SEMA3A: variants seen among roughly 807,000 people sequenced by gnomAD.
SEMA3A encodes semaphorin-3A.
Under a neutral mutation model 97.9 loss-of-function variants are expected in SEMA3A, and 29 were observed. That is an observed-to-expected ratio of 0.30 (90% CI 0.22 to 0.40). The LOEUF is 0.40. Among genes scored for constraint, SEMA3A ranks in the 10% least tolerant of loss-of-function variants. SEMA3A has a pLI of 1.00. For synonymous variants in SEMA3A, 321 were observed against 323.7 expected (o/e 0.99, Z 0.09); for missense variants, 763 against 951.3 (o/e 0.80, Z 2.60).
chr7:84,076,692 T>C (rs1793963959), intron 4 of SEMA3A, among the ~76,000 whole-genome samples: 1 of 152,140 alleles, frequency 6.6e-6, no homozygotes, highest in Non-Finnish European at 1.5e-5. Flanking sequence ...AATTAACGTA[T>C]TTTCTACTTC....
chr7:84,140,822 C>CA (rs1796272752), intron 1 of SEMA3A, among the ~76,000 whole-genome samples: 1 of 151,428 alleles, frequency 6.6e-6, no homozygotes, highest in Admixed American at 6.6e-5. Flanking sequence ...ATTATAAGAA[C>CA]AAAAAAACAA....
At chr7:84,127,737 T>C (rs1795844093) in intron 3 of SEMA3A, among the ~76,000 whole-genome samples, 1 of 152,164 alleles carries the variant, frequency 6.6e-6, no homozygotes, top group African/African-American at 2.4e-5. Flanking sequence ...ATTCCAACTC[T>C]AAATCCTTCT....
At chr7:84,376,390 C>T (rs1803099784) in intron 1 of SEMA3A, among the ~76,000 whole-genome samples, 1 of 115,898 alleles carries the variant, frequency 8.6e-6, no homozygotes, top group Non-Finnish European at 1.9e-5. Flanking sequence ...ATCACGAGGT[C>T]AGGAGATCGA....
chr7:83,984,639 C>A (rs1259672094), intron 13 of SEMA3A, among the ~76,000 whole-genome samples: 3 of 89,786 alleles, frequency 3.3e-5, no homozygotes, highest in East Asian at 4.7e-4. Context: ...TTTGAAGTTA[C>A]CATTGATATA....
At chr7:84,281,458 A>G (rs546845229) in intron 3 of SEMA3A, among the ~76,000 whole-genome samples, 7 of 152,282 alleles carry the variant, frequency 4.6e-5, no homozygotes, top group African/African-American at 1.4e-4. Flanking sequence ...TGTGTTGACA[A>G]TCATGTGAGC....
chr7:84,023,633 C>T (rs965650230), intron 6 of SEMA3A, among the ~76,000 whole-genome samples: 3 of 152,140 alleles, frequency 2.0e-5, no homozygotes, highest in Non-Finnish European at 4.4e-5. Context: ...GAACATATAA[C>T]CCCACTGCAG....
chr7:84,110,749 A>G (rs1187708047), intron 3 of SEMA3A, among the ~76,000 whole-genome samples, 160 bp from the exon 4 acceptor site: 8 of 147,336 alleles, frequency 5.4e-5, no homozygotes, highest in Admixed American at 5.4e-4. Context: ...TTATTATTCT[A>G]TTGTTTTGCT....
intron 6 of SEMA3A, among the ~76,000 whole-genome samples, chr7:84,029,735 T>G (rs1000938319): frequency 7.9e-5 from 12 of 152,134 alleles, no homozygotes; most frequent in African/African-American, 2.9e-4. Flanking sequence ...ATAATTTCAT[T>G]CAGAAAATAA....
At chr7:84,055,275 G>A (rs10954743) in intron 5 of SEMA3A, among the ~76,000 whole-genome samples, 84,223 of 151,088 alleles carry the variant, frequency 0.56, 25,276 homozygotes, top group Non-Finnish European at 0.67. Context: ...AATCAAGCCT[G>A]GGCAATGGCG....
At chr7:84,466,876 T>C (rs923436737) in intron 1 of SEMA3A, among the ~76,000 whole-genome samples, 1 of 152,176 alleles carries the variant, frequency 6.6e-6, no homozygotes, top group African/African-American at 2.4e-5. Flanking sequence ...TTAATAGGAA[T>C]AGATGCCTAC....
chr7:84,067,516 C>A (rs1749890175), intron 4 of SEMA3A, among the ~76,000 whole-genome samples: 1 of 151,658 alleles, frequency 6.6e-6, no homozygotes, highest in Non-Finnish European at 1.5e-5. Flanking sequence ...TTTTCGCAAC[C>A]TACTCATCTG....
intron 3 of SEMA3A, among the ~76,000 whole-genome samples, chr7:84,226,007 T>C (rs1392807290): frequency 2.0e-5 from 3 of 152,144 alleles, no homozygotes; most frequent in African/African-American, 7.2e-5. Context: ...TATAAAAATG[T>C]ATCTTCTTAT....
chr7:84,239,000 AGCCACCAT>A (rs1311740304), intron 3 of SEMA3A, among the ~76,000 whole-genome samples: 1 of 152,196 alleles, frequency 6.6e-6, no homozygotes, highest in African/African-American at 2.4e-5. Flanking sequence ...GACAGGCGTG[AGCCACCAT>A]GCCCGGCCAA....
chr7:84,238,392 G>A (rs1799284101), intron 3 of SEMA3A, among the ~76,000 whole-genome samples: 1 of 152,040 alleles, frequency 6.6e-6, no homozygotes, highest in Non-Finnish European at 1.5e-5. Flanking sequence ...AACTGAACTT[G>A]AGTACAGGAC....
chr7:84,196,336 C>A (rs1009640245), upstream of SEMA3A, among the ~76,000 whole-genome samples: 1 of 147,682 alleles, frequency 6.8e-6, no homozygotes, highest in African/African-American at 2.6e-5. Flanking sequence ...GAAAGCACAG[C>A]GCTCGCTCGC....
At chr7:84,265,368 T>A (rs1312713284) in intron 3 of SEMA3A, among the ~76,000 whole-genome samples, 2 of 150,872 alleles carry the variant, frequency 1.3e-5, no homozygotes, top group African/African-American at 4.9e-5. Context: ...CTTGAAGTAG[T>A]ATTTAACCTG....
intron 1 of SEMA3A, among the ~76,000 whole-genome samples, chr7:84,173,321 C>T (rs1455252721): frequency 3.3e-5 from 5 of 151,702 alleles, no homozygotes; most frequent in Admixed American, 6.6e-5. Flanking sequence ...TTTGGGAGGC[C>T]GAGGCGGGTG....
intron 1 of SEMA3A, among the ~76,000 whole-genome samples, chr7:84,400,587 A>G (rs1440010156): frequency 6.6e-6 from 1 of 152,202 alleles, no homozygotes; most frequent in African/African-American, 2.4e-5. Context: ...AAAGTTACAT[A>G]GAGGAGAAAA....
At position 84,105,886 on chromosome 7, in the gene SEMA3A, T is replaced by C. The variant is rs546021981; in HGVS notation, c.453+4584A>G. Among the ~76,000 whole-genome samples the C allele has an allele frequency of 1.3e-4, 20 of 152,264 alleles. 1 individual carries two copies. In the South Asian group the frequency reaches 3.7e-3, roughly 28 times the overall value. Reference sequence around the variant, plus strand: ...AATTTTTCCATGAACTCTGCAAGCATTTTATGATAAACACACACATGTGTA... The same window carrying C: ...AATTTTTCCATGAACTCTGCAAGCACTTTATGATAAACACACACATGTGTA... On this transcript the variant is annotated intron_variant, in intron 4 of 16. Transcript: ENST00000265362.
Sources: allele counts gnomAD v4.1 joint callset (sites outside exome capture counted in the v4.1 genomes callset), GRCh38; gene constraint gnomAD v4.1.1; transcripts MANE v1.5; gene names NCBI Gene and HGNC (gene_info 2026-07-23, HGNC 2026-07-21).